Variants in PKP1 observed in about 807,000 individuals in gnomAD.
The protein encoded by PKP1 is plakophilin 1, also known as plakophilin-1.
Under a neutral mutation model 76.4 loss-of-function variants are expected in PKP1, and 27 were observed. The ratio of observed to expected loss-of-function variants is 0.35; its 90% CI spans 0.26 to 0.49. The LOEUF (loss-of-function observed/expected upper bound fraction) is 0.49, where lower values mean the gene tolerates loss of function less well. PKP1 is among the 20% of genes least tolerant of loss of function. The pLI is 0.99. For missense variants in PKP1, 964 were observed against 955.2 expected (o/e 1.01, Z -0.12); for synonymous variants, 404 against 384.2 (o/e 1.05, Z -0.60).
chr1:201,290,210 A>G (rs1049738181), intron 1 of PKP1, among the ~76,000 whole-genome samples: 9 of 152,238 alleles, frequency 5.9e-5, no homozygotes, highest in African/African-American at 2.2e-4. Flanking sequence ...ATGTAAAATC[A>G]GACGAGCTAT....
chr1:201,294,483 T>A (rs935097922), intron 2 of PKP1, among the ~76,000 whole-genome samples: 1 of 152,220 alleles, frequency 6.6e-6, no homozygotes, highest in Admixed American at 6.5e-5. Flanking sequence ...CTCCTGCATA[T>A]GACACTGCAT....
chr1:201,292,214 C>T (rs1339864994), intron 1 of PKP1, among the ~76,000 whole-genome samples: 2 of 152,118 alleles, frequency 1.3e-5, no homozygotes, highest in South Asian at 2.1e-4. Flanking sequence ...GAGGAGGAGT[C>T]GGCTCCTCTG....
chr1:201,301,766 A>G (rs1201614494), intron 2 of PKP1, among the ~76,000 whole-genome samples: 1 of 151,978 alleles, frequency 6.6e-6, no homozygotes, highest in African/African-American at 2.4e-5. Flanking sequence ...ACAAAAACTA[A>G]TCTACTCAAC....
intron 2 of PKP1, among the ~76,000 whole-genome samples, chr1:201,304,660 G>T (rs1329594795): frequency 1.3e-5 from 2 of 152,244 alleles, no homozygotes; most frequent in Non-Finnish European, 2.9e-5. Context: ...TCTTCCAGGA[G>T]TCGGGGCCAG....
chr1:201,315,764 T>C (rs957844452), intron 3 of PKP1, among the ~76,000 whole-genome samples: 56 of 152,374 alleles, frequency 3.7e-4, no homozygotes, highest in African/African-American at 1.3e-3. Flanking sequence ...GACATCAGGC[T>C]AAGCTGTTTA....
Position 201,313,291 on chromosome 1 carries a change from C to T in PKP1, c.432C>T (p.Ile144=), listed in dbSNP as rs139245064. 5 of 1,602,302 alleles carry T rather than the reference C, an allele frequency of 3.1e-6. No individual in the cohort carries two copies. Among genetic ancestry groups the T allele is most frequent in the African/African-American group, 2.7e-5 (2 of 74,722 alleles). ...SCNTTGAGSD[I]CFMQKIKASR... ...ACACCACCGGCGCAGGCAGCGACATCTGCTTCATGCAGAAAATCAAGGCGA... is the reference window on the plus strand; with the variant it reads ...ACACCACCGGCGCAGGCAGCGACATTTGCTTCATGCAGAAAATCAAGGCGA... Residue 144 remains isoleucine (I), a synonymous_variant, in exon 3 of 14, where the codon ATC becomes ATT. Transcript: ENST00000367324.
intron 12 of PKP1, among the ~76,000 whole-genome samples, chr1:201,326,876 G>A (rs1657141508): frequency 6.6e-6 from 1 of 152,246 alleles, no homozygotes; most frequent in South Asian, 2.1e-4. Context: ...AAAGGCCAGG[G>A]AAAAGAGGAA....
chr1:201,318,789 G>A lies in PKP1; in HGVS notation c.1226G>A (p.Cys409Tyr). 6.2e-7 allele frequency: 1 copy of A among 1,601,200 alleles called. No homozygotes were observed. The highest frequency in any genetic ancestry group is 8.5e-7 in the Non-Finnish European group (1 of 1,174,460). The change falls in exon 6 of 14, where the codon TGC becomes TAC. Residue 409 changes from cysteine (C) to tyrosine (Y), a missense_variant. Transcript: ENST00000367324. Reference protein sequence around the residue: ...DPEVFFNATGCLRNLSSADAG... With the variant: ...DPEVFFNATGYLRNLSSADAG... ...GAGGTCTTCTTCAATGCCACAGGCTGCTTGAGGTGAGAGAAGAGGATACAT... is the reference window on the plus strand; with the variant it reads ...GAGGTCTTCTTCAATGCCACAGGCTACTTGAGGTGAGAGAAGAGGATACAT...
Position 201,318,649 on chromosome 1 carries a change from G to A in PKP1, c.1086G>A (p.Glu362=). ...TCTGGAACCTGTCTTCCACTGACGA[G>A]CTGAAGGAGGAACTCATTGCCGACG... The part of the protein sequence containing the change: ...GLLWNLSSTD[E]LKEELIADAL... Residue 362 remains glutamate, a synonymous_variant, in exon 6 of 14, where the codon GAG becomes GAA. Coordinates refer to ENST00000367324, the MANE Select transcript of PKP1 (RefSeq NM_001005337.3). 3 of 1,612,316 alleles carry A rather than the reference G, an allele frequency of 1.9e-6. No individual in the cohort carries two copies. Among genetic ancestry groups the A allele is most frequent in the Non-Finnish European group, 1.7e-6 (2 of 1,179,936 alleles).
Position 201,332,496 on chromosome 1 carries a change from G to T in PKP1, c.*2455G>T, listed in dbSNP as rs1342936615. The stretch of plus-strand genomic sequence containing the variant: ...GAACAAGGAGCTTGCCAGGCTTCAT[G>T]TAGCCGACACACGTCTCAGGATTTT... On this transcript the variant is annotated 3_prime_UTR_variant, in exon 14 of 14. Transcript: ENST00000367324. 6.6e-6 allele frequency: 1 copy of T among 152,290 alleles called. No individual in the cohort carries two copies. The highest frequency in any genetic ancestry group is 2.4e-5 in the African/African-American group (1 of 41,468). 9.4% of individuals were successfully genotyped at this position (152,290 alleles called of 1,614,324 possible). A position where few individuals can be genotyped will look rare whatever the true frequency, so the allele number is the denominator to read the frequency against.
At chr1:201,289,598 G>A (rs776324862) in intron 1 of PKP1, among the ~76,000 whole-genome samples, 2 of 152,072 alleles carry the variant, frequency 1.3e-5, no homozygotes, top group African/African-American at 4.8e-5. Context: ...TGGGGGTGTG[G>A]AGTGTGGATC....
In PKP1 at chr1:201,332,329, G is replaced by A. The variant is rs926316093; in HGVS notation, c.*2288G>A. 6.6e-6 allele frequency: 1 copy of A among 152,292 alleles called. No individual in the cohort carries two copies. The highest frequency in any genetic ancestry group is 1.5e-5 in the Non-Finnish European group (1 of 68,080). The allele number at this position is 152,292 out of a possible 1,614,324, so 9.4% of individuals were successfully genotyped here. A position where few individuals can be genotyped will look rare whatever the true frequency, so the allele number is the denominator to read the frequency against. ...CCAGGCAGCCTTCCAGACCTCAGGGGCTGAGGCAGACTATTAGGGCAGGGC... is the reference window on the plus strand; with the variant it reads ...CCAGGCAGCCTTCCAGACCTCAGGGACTGAGGCAGACTATTAGGGCAGGGC... On this transcript the variant is annotated 3_prime_UTR_variant, in exon 14 of 14. Transcript: ENST00000367324.
At position 201,318,560 on chromosome 1, in the gene PKP1, C is replaced by T. The variant is rs190299806; in HGVS notation, c.1055-58C>T. 3,590 of 1,512,720 alleles carry T rather than the reference C, an allele frequency of 2.4e-3. 6 individuals are homozygous for T. Among genetic ancestry groups the T allele is most frequent in the Non-Finnish European group, 3.1e-3 (3,349 of 1,089,686 alleles). The allele number at this position is 1,512,720 out of a possible 1,614,324, so 93.7% of individuals were successfully genotyped here. On this transcript the variant is annotated intron_variant, in intron 5 of 13. Transcript: ENST00000367324. The stretch of plus-strand genomic sequence containing the variant: ...AGAGTCCAGGCTGGGGCTGTTACCT[C>T]GGTCCCTAGGGCATCCTGAGCCTGG...
At chr1:201,286,682 G>T (rs750286915) in intron 1 of PKP1, among the ~76,000 whole-genome samples, 11 of 152,166 alleles carry the variant, frequency 7.2e-5, no homozygotes, top group Non-Finnish European at 1.6e-4. Flanking sequence ...AGGTTGCTCT[G>T]AACCTGCCTA....
chr1:201,316,831 C>T (rs1390160557), intron 4 of PKP1, 134 bp downstream of exon 4: 16 of 920,610 alleles, frequency 1.7e-5, no homozygotes, highest in African/African-American at 4.9e-5. Flanking sequence ...CAGGAGCCTT[C>T]GCATTGCCCA....
rs182700973 is a variant in PKP1, at chr1:201,306,829, C to A, written c.307-6337C>A. On this transcript the variant is annotated intron_variant, in intron 2 of 13. Coordinates refer to ENST00000367324, the MANE Select transcript of PKP1 (RefSeq NM_001005337.3). ...AGCTGGGACTATAGGCGCCCACCAC[C>A]GTGCCTGGCTACTTTTTGTTTTTTT... Among the ~76,000 whole-genome samples, 11 of 131,854 alleles carry A rather than the reference C, an allele frequency of 8.3e-5. No homozygotes were observed. The East Asian group carries it at 2.6e-3, about 31-fold the overall frequency. 86.5% of individuals were successfully genotyped at this position (131,854 alleles called of 152,430 possible). A position where few individuals can be genotyped will look rare whatever the true frequency, so the allele number is the denominator to read the frequency against.
At chr1:201,303,930 C>T (rs576961622) in intron 2 of PKP1, among the ~76,000 whole-genome samples, 1 of 152,330 alleles carries the variant, frequency 6.6e-6, no homozygotes, top group East Asian at 1.9e-4. Context: ...CCTCTCCCCT[C>T]ACCGAGGTGA....
In PKP1 at chr1:201,283,879, G is replaced by C; in HGVS notation, c.177G>C (p.Ser59=). ...GGCAGAAGTCCAAGTCTTCCCAGTC[G>C]TCCACCCTGAGCCACTCCAATCGAG... The part of the protein sequence containing the change: ...VKRQKSKSSQ[S]STLSHSNRGS... The change falls in exon 1 of 14, where the codon TCG becomes TCC. Residue 59 remains serine, a synonymous_variant. Transcript: ENST00000367324. 1 of 1,614,096 alleles carries C rather than the reference G, an allele frequency of 6.2e-7. No individual in the cohort carries two copies.
chr1:201,314,035 C>T (rs1358944744), intron 3 of PKP1, among the ~76,000 whole-genome samples: 1 of 152,204 alleles, frequency 6.6e-6, no homozygotes, highest in Non-Finnish European at 1.5e-5. Flanking sequence ...ATGTAAATCT[C>T]TATCCATGTT....
Sources: gnomAD v4.1 joint callset for allele counts (sites outside exome capture counted in the v4.1 genomes callset) on GRCh38, gnomAD v4.1.1 for gene constraint, MANE v1.5 for transcripts, NCBI Gene and HGNC (gene_info 2026-07-23, HGNC 2026-07-21) for gene names.